ARFGAP3: variants seen among roughly 807,000 people sequenced by gnomAD.
ARFGAP3 encodes ARF GTPase activating protein 3, also known as ADP-ribosylation factor GTPase-activating protein 3.
In ARFGAP3, 72 loss-of-function variants were observed where a neutral mutation model predicts 75.0. The ratio of observed to expected loss-of-function variants is 0.96; its 90% CI spans 0.79 to 1.17. ARFGAP3 has a LOEUF of 1.17. ARFGAP3 is among the 50% of genes most tolerant of loss of function. ARFGAP3 has a pLI of 0.00. For missense variants in ARFGAP3, 620 were observed against 626.6 expected (o/e 0.99, Z 0.11); for synonymous variants, 221 against 217.9 (o/e 1.01, Z -0.13).
Position 42,808,904 on chromosome 22 carries a change from C to T in ARFGAP3, c.1197-14G>A, listed in dbSNP as rs1925245787. The T allele has an allele frequency of 6.3e-7, 1 of 1,586,828 alleles. No homozygotes were observed. The highest frequency in any genetic ancestry group is 8.6e-7 in the Non-Finnish European group (1 of 1,163,430). ...CGAGCAGTAGGTCTGCAATTAAAAA[C>T]AGCCAAATTAGGTTAAACTAATTTG... On this transcript the variant is annotated splice_polypyrimidine_tract_variant and intron_variant, in intron 12 of 15. Coordinates refer to ENST00000263245, the MANE Select transcript of ARFGAP3 (RefSeq NM_014570.5).
intron 7 of ARFGAP3, 81 bp downstream of exon 7, chr22:42,826,859 C>A (rs1926061555): frequency 3.1e-6 from 4 of 1,270,712 alleles, no homozygotes; most frequent in Non-Finnish European, 4.4e-6. Flanking sequence ...GTGAGATGCC[C>A]AGGCCAAATG....
intron 5 of ARFGAP3, among the ~76,000 whole-genome samples, chr22:42,832,887 A>T (rs1926357588): frequency 6.6e-6 from 1 of 152,076 alleles, no homozygotes; most frequent in South Asian, 2.1e-4. Flanking sequence ...TGGGAGGCTG[A>T]GGCAGGAGAA....
chr22:42,853,464 C>T lies in ARFGAP3; in HGVS notation c.69+3650G>A, dbSNP rs557045706. The T allele has an allele frequency of 1.4e-5, 3 of 220,600 alleles. No homozygotes were observed. In the East Asian group the frequency reaches 3.3e-4, roughly 24 times the overall value. 13.7% of individuals were successfully genotyped at this position (220,600 alleles called of 1,614,324 possible). On this transcript the variant is annotated intron_variant, in intron 1 of 15. Coordinates refer to ENST00000263245, the MANE Select transcript of ARFGAP3 (RefSeq NM_014570.5). Reference sequence around the variant, plus strand: ...AGGGAATCTGCTGGCCATCCTTGGGCTCTAGGAAGACCTCATCAAGGTGCC... The same window carrying T: ...AGGGAATCTGCTGGCCATCCTTGGGTTCTAGGAAGACCTCATCAAGGTGCC...
Position 42,835,435 on chromosome 22 carries a change from C to G in ARFGAP3, c.320G>C (p.Ser107Thr). 6.2e-7 allele frequency: 1 copy of G among 1,614,184 alleles called. No homozygotes were observed. ...CTCCCTATAGAGCTGAGCAGCACGACTGTTGTACTTGGCATTGGTGTCATT... is the reference window on the plus strand; with the variant it reads ...CTCCCTATAGAGCTGAGCAGCACGAGTGTTGTACTTGGCATTGGTGTCATT... ...STNDTNAKYNSRAAQLYREKI... is the reference protein window; with the variant it reads ...STNDTNAKYNTRAAQLYREKI... Residue 107 changes from serine (S) to threonine (T), a missense_variant, in exon 4 of 16, where the codon AGT becomes ACT. Physicochemically the swap from Ser to Thr is moderately conservative, Grantham distance 58. Transcript: ENST00000263245.
intron 7 of ARFGAP3, among the ~76,000 whole-genome samples, chr22:42,825,135 G>T (rs187570290): frequency 1.3e-5 from 2 of 152,282 alleles, no homozygotes; most frequent in African/African-American, 4.8e-5. Context: ...GTGATGGCGT[G>T]CGCCTGTGGT....
At chr22:42,805,276 A>G (rs945320630) in intron 14 of ARFGAP3, among the ~76,000 whole-genome samples, 2 of 152,250 alleles carry the variant, frequency 1.3e-5, no homozygotes, top group Non-Finnish European at 2.9e-5. Flanking sequence ...ATTTTTGTTC[A>G]GTAACTGGAA....
chr22:42,807,068 C>G lies in ARFGAP3; in HGVS notation c.1411+5G>C. On this transcript the variant is annotated splice_donor_5th_base_variant and intron_variant, in intron 14 of 15. Transcript: ENST00000263245. ...AGAGACCAGCTCTTGTTCAGTGCCCCCTACCTGCTGGCTGCTTCCTCGGCT... is the reference window on the plus strand; with the variant it reads ...AGAGACCAGCTCTTGTTCAGTGCCCGCTACCTGCTGGCTGCTTCCTCGGCT... 3 of 1,607,780 alleles carry G rather than the reference C, an allele frequency of 1.9e-6. No individual in the cohort carries two copies. Among genetic ancestry groups the G allele is most frequent in the Non-Finnish European group, 8.5e-7 (1 of 1,177,170 alleles).
At position 42,847,570 on chromosome 22, in the gene ARFGAP3, A is replaced by C; in HGVS notation, c.132T>G (p.Leu44=). The change falls in exon 2 of 16, where the codon CTT becomes CTG. Residue 44 remains leucine, a synonymous_variant. Coordinates refer to ENST00000263245, the MANE Select transcript of ARFGAP3 (RefSeq NM_014570.5). ...SWASITYGVF[L]CIDCSGSHRS... ...GGTGGGACCCTGAGCAATCAATGCA[A>C]AGGAACACTCCATAGGTTATGCTTG... 2 of 1,614,020 alleles carry C rather than the reference A, an allele frequency of 1.2e-6. No homozygotes were observed. The highest frequency in any genetic ancestry group is 2.7e-5 in the African/African-American group (2 of 75,050).
intron 13 of ARFGAP3, 32 bp from the exon 14 acceptor site, chr22:42,807,195 C>G (rs754359702): frequency 6.3e-7 from 1 of 1,582,696 alleles, no homozygotes; most frequent in Non-Finnish European, 8.6e-7. Flanking sequence ...AAATGTTAGG[C>G]TCCAAAGATT....
intron 6 of ARFGAP3, among the ~76,000 whole-genome samples, chr22:42,829,787 A>G (rs1926204782): frequency 6.6e-6 from 1 of 152,230 alleles, no homozygotes; most frequent in Non-Finnish European, 1.5e-5. Context: ...AATTCAGGAT[A>G]ATAAAAAAGG....
chr22:42,832,910 G>A (rs553054980), intron 5 of ARFGAP3, among the ~76,000 whole-genome samples: 1 of 152,148 alleles, frequency 6.6e-6, no homozygotes, highest in East Asian at 1.9e-4. Context: ...GCTTGAACCC[G>A]GGAGGTGGAT....
rs759718766 is a variant in ARFGAP3 at position 42,835,467 on chromosome 22, A to C, written c.288T>G (p.Cys96Trp). ...ACTTGGCATTGGTGTCATTGGTGGAACACCCATGTTGATGAAAAAAGGAAG... is the reference window on the plus strand; with the variant it reads ...ACTTGGCATTGGTGTCATTGGTGGACCACCCATGTTGATGAAAAAAGGAAG... ...SASSFFHQHG[C>W]STNDTNAKYN... is the part of the protein sequence containing the mutation. The change falls in exon 4 of 16, where the codon TGT becomes TGG. Residue 96 changes from cysteine to tryptophan, a missense_variant. By Grantham distance (215) the Cys-to-Trp change is radical. Transcript: ENST00000263245. 4 of 1,614,030 alleles carry C rather than the reference A, an allele frequency of 2.5e-6. No homozygotes were observed. The highest frequency in any genetic ancestry group is 3.4e-6 in the Non-Finnish European group (4 of 1,179,918).
intron 5 of ARFGAP3, among the ~76,000 whole-genome samples, chr22:42,834,013 T>C (rs1032393255): frequency 2.0e-5 from 3 of 152,336 alleles, no homozygotes; most frequent in Admixed American, 6.5e-5. Flanking sequence ...GCAGCTGCTT[T>C]AGACCCTGAG....
Position 42,849,409 on chromosome 22 carries a change from C to T in ARFGAP3, c.70-1777G>A, listed in dbSNP as rs183894382. ...TCATAACCGAGGACTACGTTCCCTG[C>T]CCACTGAGGGCACTGAGAGCTCTTA... On this transcript the variant is annotated intron_variant, in intron 1 of 15. Coordinates refer to ENST00000263245, the MANE Select transcript of ARFGAP3 (RefSeq NM_014570.5). Among the ~76,000 whole-genome samples, 9 of 152,320 alleles carry T rather than the reference C, an allele frequency of 5.9e-5. No individual in the cohort carries two copies. In the East Asian group the frequency reaches 1.7e-3, roughly 29 times the overall value.
intron 2 of ARFGAP3, among the ~76,000 whole-genome samples, chr22:42,845,555 A>G (rs1489110919): frequency 6.6e-6 from 1 of 151,304 alleles, no homozygotes; most frequent in Non-Finnish European, 1.5e-5. Context: ...AAACAACAAC[A>G]ACAAAAAAAA....
At chr22:42,834,527 G>A in intron 4 of ARFGAP3, 2 of 459,980 alleles carry the variant, frequency 4.3e-6, no homozygotes, top group Non-Finnish European at 5.7e-6. Context: ...CAAACCTTGA[G>A]GAAGTCAAGG....
intron 11 of ARFGAP3, among the ~76,000 whole-genome samples, chr22:42,812,474 A>C: frequency 6.6e-6 from 1 of 152,172 alleles, no homozygotes; most frequent in Admixed American, 6.5e-5. Flanking sequence ...TAAGATGAGC[A>C]CCAAGCTCCG....
intron 3 of ARFGAP3, among the ~76,000 whole-genome samples, chr22:42,838,275 CAT>C (rs55855980): frequency 1.7e-4 from 24 of 137,860 alleles, no homozygotes; most frequent in Non-Finnish European, 3.1e-4. Context: ...TACACACACA[CAT>C]ATATATATAT....
At position 42,802,452 on chromosome 22, in the gene ARFGAP3, A is replaced by AT. The variant is rs879772562; in HGVS notation, c.1412-3293dup. On this transcript the variant is annotated intron_variant, in intron 14 of 15. Coordinates refer to ENST00000263245, the MANE Select transcript of ARFGAP3 (RefSeq NM_014570.5). ...AGGTGCCCGCCACCACGCCCAGATA[A>AT]TTTTTTTTTTTTTGTATTTTTTAGT... Among the ~76,000 whole-genome samples the AT allele has an allele frequency of 5.3e-3, 742 of 139,340 alleles. 5 individuals are homozygous for AT. The highest frequency in any genetic ancestry group is 0.04 in the East Asian group (196 of 4,850). 91.4% of individuals were successfully genotyped at this position (139,340 alleles called of 152,430 possible). A position where few individuals can be genotyped will look rare whatever the true frequency, so the allele number is the denominator to read the frequency against.
Sources: allele counts gnomAD v4.1 joint callset (sites outside exome capture counted in the v4.1 genomes callset), GRCh38; gene constraint gnomAD v4.1.1; transcripts MANE v1.5; gene names NCBI Gene and HGNC (gene_info 2026-07-23, HGNC 2026-07-21).